Variants in CASD1 observed in about 807,000 individuals in gnomAD.
CASD1 encodes the protein CAS1 domain sialic acid O acetyltransferase 1.
In CASD1, 41 loss-of-function variants were observed where a neutral mutation model predicts 100.0. The observed-to-expected ratio is 0.41, with a 90% CI of 0.32 to 0.53. The LOEUF (loss-of-function observed/expected upper bound fraction) is 0.53, where lower values mean the gene tolerates loss of function less well. Among genes scored for constraint, CASD1 ranks in the 20% least tolerant of loss-of-function variants. The pLI, the probability that CASD1 is intolerant of heterozygous loss-of-function variation, is 0.25. For missense variants in CASD1, 774 were observed against 948.7 expected, an observed-to-expected ratio of 0.82 and a Z score of 2.42; for synonymous variants, 321 against 315.6, an observed-to-expected ratio of 1.02 and a Z score of -0.18.
intron 7 of CASD1, among the ~76,000 whole-genome samples, chr7:94,534,075 A>G (rs543654682): frequency 6.6e-6 from 1 of 151,920 alleles, no homozygotes; most frequent in Non-Finnish European, 1.5e-5. Context: ...CGCAAATGAC[A>G]TGTGGTATCC....
At chr7:94,555,186 G>C (rs1240002026) in intron 17 of CASD1, among the ~76,000 whole-genome samples, 1 of 152,026 alleles carries the variant, frequency 6.6e-6, no homozygotes, top group African/African-American at 2.4e-5. Context: ...ATATATTTTA[G>C]AGTTTTTAGA....
chr7:94,523,904 A>T (rs1794414910), intron 3 of CASD1, among the ~76,000 whole-genome samples: 1 of 152,178 alleles, frequency 6.6e-6, no homozygotes, highest in South Asian at 2.1e-4. Flanking sequence ...ATATAAAATG[A>T]CTTTAAAAGT....
Position 94,545,571 on chromosome 7 carries a change from A to G in CASD1, c.1503A>G (p.Val501=). The G allele has an allele frequency of 1.9e-6, 3 of 1,604,682 alleles. No individual in the cohort carries two copies. Among genetic ancestry groups the G allele is most frequent in the Non-Finnish European group, 1.7e-6 (2 of 1,173,828 alleles). Residue 501 remains valine, a synonymous_variant, in exon 12 of 18, where the codon GTA becomes GTG. Transcript: ENST00000297273. The part of the protein sequence containing the change: ...CQVLFRLNFL[V]VVLCIVMDRP... ...TTTTATTTCGTCTCAATTTCCTGGTAGTGGTGTTATGTATAGTAATGGATC... is the reference window on the plus strand; with the variant it reads ...TTTTATTTCGTCTCAATTTCCTGGTGGTGGTGTTATGTATAGTAATGGATC...
At chr7:94,530,329 CTGACATACAAAA>C (rs925262675) in intron 5 of CASD1, among the ~76,000 whole-genome samples, 4 of 152,112 alleles carry the variant, frequency 2.6e-5, no homozygotes, top group African/African-American at 9.7e-5. Context: ...TTTAGTGGAG[CTGACATACAAAA>C]TGCTTCTTTA....
At chr7:94,592,494 C>T in the CASD1 span, among the ~76,000 whole-genome samples, 1 of 152,104 alleles carries the variant, frequency 6.6e-6, no homozygotes, top group African/African-American at 2.4e-5. Context: ...GTGTAAACTG[C>T]ATTATGTAGA....
intron 3 of CASD1, among the ~76,000 whole-genome samples, chr7:94,520,948 T>A (rs760348091): frequency 8.5e-5 from 13 of 152,134 alleles, no homozygotes; most frequent in Non-Finnish European, 1.6e-4. Context: ...AAAAATTAGC[T>A]GATTGTGGTG....
the CASD1 span, among the ~76,000 whole-genome samples, chr7:94,606,621 C>T: frequency 1.3e-5 from 2 of 152,208 alleles, no homozygotes; most frequent in Non-Finnish European, 2.9e-5. Context: ...CATCATCAGT[C>T]GACAGGTTTT....
At chr7:94,535,606 AATAATT>A in intron 8 of CASD1, 83 bp downstream of exon 8, 5 of 992,534 alleles carry the variant, frequency 5.0e-6, no homozygotes, top group Non-Finnish European at 7.7e-6. Flanking sequence ...CATGGTTATA[AATAATT>A]TGTTTTATTG....
the CASD1 span, among the ~76,000 whole-genome samples, chr7:94,615,526 T>C: frequency 6.6e-6 from 1 of 152,106 alleles, no homozygotes; most frequent in East Asian, 1.9e-4. Flanking sequence ...TGGGCAGCCA[T>C]TGACTTCCAT....
intron 1 of CASD1, among the ~76,000 whole-genome samples, chr7:94,511,719 A>G (rs1257796060): frequency 1.3e-5 from 2 of 152,362 alleles, no homozygotes; most frequent in Middle Eastern, 6.8e-3. Context: ...TTTTATAACT[A>G]CAGTACTATT....
intron 3 of CASD1, 140 bp from the exon 4 acceptor site, chr7:94,527,022 A>G: frequency 1.6e-6 from 1 of 636,834 alleles, no homozygotes; most frequent in Non-Finnish European, 2.7e-6. Flanking sequence ...TTCGGGTTGA[A>G]TGTATAGATA....
At chr7:94,632,106 T>G in the CASD1 span, among the ~76,000 whole-genome samples, 1 of 152,058 alleles carries the variant, frequency 6.6e-6, no homozygotes, top group Non-Finnish European at 1.5e-5. Flanking sequence ...GGGATAGCAT[T>G]CTGTAGATTA....
chr7:94,525,271 A>G (rs573886966), intron 3 of CASD1, among the ~76,000 whole-genome samples: 1 of 152,358 alleles, frequency 6.6e-6, no homozygotes, highest in East Asian at 1.9e-4. Flanking sequence ...AAAGCCAACA[A>G]CATTAAACAA....
At chr7:94,577,752 T>C in the CASD1 span, among the ~76,000 whole-genome samples, 2 of 152,198 alleles carry the variant, frequency 1.3e-5, no homozygotes, top group South Asian at 2.1e-4. Flanking sequence ...AGCTGGAAAG[T>C]TTATAAATTG....
At chr7:94,586,061 G>GAAAAAAA in the CASD1 span, among the ~76,000 whole-genome samples, 175 of 28,902 alleles carry the variant, frequency 6.1e-3, 2 homozygotes, top group Non-Finnish European at 7.1e-3. Flanking sequence ...GGAACTAAAT[G>GAAAAAAA]AAAAAAAAAA....
At chr7:94,546,760 A>G (rs1264917351) in intron 12 of CASD1, among the ~76,000 whole-genome samples, 1 of 151,930 alleles carries the variant, frequency 6.6e-6, no homozygotes, top group Non-Finnish European at 1.5e-5. Context: ...TGTTAGAATT[A>G]TATTGAACAT....
chr7:94,513,650 G>A (rs1793831365), intron 1 of CASD1, among the ~76,000 whole-genome samples: 1 of 152,266 alleles, frequency 6.6e-6, no homozygotes, highest in Non-Finnish European at 1.5e-5. Flanking sequence ...GTGTTGTATT[G>A]TAATAATTGG....
chr7:94,594,241 A>G, the CASD1 span, among the ~76,000 whole-genome samples: 1 of 152,132 alleles, frequency 6.6e-6, no homozygotes, highest in Non-Finnish European at 1.5e-5. Flanking sequence ...GGCAAAGTCA[A>G]TTTACTTTTA....
intron 1 of CASD1, among the ~76,000 whole-genome samples, chr7:94,513,288 A>C (rs997299062): frequency 4.4e-5 from 5 of 113,870 alleles, no homozygotes; most frequent in South Asian, 2.5e-4. Flanking sequence ...ATCGCATCCC[A>C]AAAAAAAAAA....
Sources: gnomAD v4.1 joint callset for allele counts (sites outside exome capture counted in the v4.1 genomes callset) on GRCh38, gnomAD v4.1.1 for gene constraint, MANE v1.5 for transcripts, NCBI Gene and HGNC (gene_info 2026-07-23, HGNC 2026-07-21) for gene names.